Variants in GKAP1 observed in about 807,000 individuals in gnomAD.
GKAP1 encodes the protein G kinase-anchoring protein 1.
GKAP1 carries 31 observed loss-of-function variants against 56.7 expected under a neutral mutation model. The ratio of observed to expected loss-of-function variants is 0.55; its 90% CI spans 0.41 to 0.74. The LOEUF (loss-of-function observed/expected upper bound fraction) is 0.74. Ranked by LOEUF, GKAP1 falls within the 30% of genes least tolerant of loss-of-function variation. The pLI is 0.00. For synonymous variants in GKAP1, 151 were observed against 138.6 expected (o/e 1.09, Z -0.63); for missense variants, 364 against 402.3 (o/e 0.90, Z 0.82).
At chr9:83,753,189 T>G (rs1368274605) in intron 9 of GKAP1, 69 bp downstream of exon 9, 3 of 867,544 alleles carry the variant, frequency 3.5e-6, no homozygotes, top group African/African-American at 3.4e-5. Context: ...CATATTTACA[T>G]ATAAGAAAAA....
intron 3 of GKAP1, among the ~76,000 whole-genome samples, chr9:83,800,368 G>A (rs1158374333): frequency 2.3e-5 from 3 of 132,340 alleles, no homozygotes; most frequent in East Asian, 2.1e-4. Context: ...GCAGAGTCTC[G>A]CTCTGTCGCC....
intron 8 of GKAP1, among the ~76,000 whole-genome samples, chr9:83,761,217 A>C (rs546167908): frequency 1.3e-5 from 2 of 152,086 alleles, no homozygotes; most frequent in Admixed American, 1.3e-4. Flanking sequence ...AGAAGATCCA[A>C]ATAAAACACA....
intron 7 of GKAP1, among the ~76,000 whole-genome samples, chr9:83,775,735 C>T (rs1052003920): frequency 3.3e-5 from 5 of 151,286 alleles, no homozygotes; most frequent in African/African-American, 1.2e-4. Context: ...ATTAACTGGG[C>T]GTGGTGCTGG....
At chr9:83,804,283 A>G (rs1488459787) in intron 3 of GKAP1, among the ~76,000 whole-genome samples, 15 of 122,276 alleles carry the variant, frequency 1.2e-4, no homozygotes, top group Admixed American at 5.8e-4. Flanking sequence ...CAGCCGCCCC[A>G]TCTGGGAGGG....
chr9:83,797,786 T>C (rs1460951267), intron 4 of GKAP1, among the ~76,000 whole-genome samples: 2 of 152,240 alleles, frequency 1.3e-5, no homozygotes, highest in African/African-American at 4.8e-5. Context: ...TTTATTTTGG[T>C]GCAAATTTGA....
rs1943665528 is a variant in GKAP1 at position 83,766,472 on chromosome 9, C to T, written c.738+2346G>A. 3.3e-5 allele frequency among the ~76,000 whole-genome samples: 5 copies of T among 152,312 alleles called. No individual in the cohort carries two copies. The South Asian group carries it at 1.0e-3, about 32-fold the overall frequency. On this transcript the variant is annotated intron_variant, in intron 8 of 12. Transcript: ENST00000376371. The stretch of plus-strand genomic sequence containing the variant: ...CAGGGTAGGCAAGGATTCCCCACTA[C>T]TGAGTCGAAAATAGATTTTCCATAA...
At chr9:83,769,033 T>C (rs1943712536) in intron 7 of GKAP1, 63 bp from the exon 8 acceptor site, 2 of 1,289,012 alleles carry the variant, frequency 1.6e-6, no homozygotes, top group African/African-American at 1.5e-5. Flanking sequence ...TTAATACACC[T>C]AGTCAACCAC....
At chr9:83,770,066 G>T (rs1286976140) in intron 7 of GKAP1, among the ~76,000 whole-genome samples, 6 of 151,796 alleles carry the variant, frequency 4.0e-5, no homozygotes, top group African/African-American at 1.5e-4. Context: ...TTGTTTTTTT[G>T]AGTTGTAACA....
At chr9:83,783,914 C>T (rs1263598146) in intron 6 of GKAP1, among the ~76,000 whole-genome samples, 2 of 152,122 alleles carry the variant, frequency 1.3e-5, no homozygotes, top group African/African-American at 2.4e-5. Context: ...TACTTTAAAA[C>T]CCCAAATGGT....
At chr9:83,799,893 G>A (rs187219027) in intron 3 of GKAP1, among the ~76,000 whole-genome samples, 51 of 152,196 alleles carry the variant, frequency 3.4e-4, no homozygotes, top group African/African-American at 1.1e-3. Flanking sequence ...TGAGCCCAGG[G>A]GGTTGAGGCT....
At chr9:83,773,809 C>A (rs1338554190) in intron 7 of GKAP1, among the ~76,000 whole-genome samples, 4 of 152,046 alleles carry the variant, frequency 2.6e-5, no homozygotes, top group Non-Finnish European at 5.9e-5. Flanking sequence ...CTACATTTAG[C>A]CCTCCTTTTT....
chr9:83,772,787 T>A (rs1943784305), intron 7 of GKAP1, among the ~76,000 whole-genome samples: 1 of 152,136 alleles, frequency 6.6e-6, no homozygotes, highest in Non-Finnish European at 1.5e-5. Context: ...TGAATAGATA[T>A]TTCCAGAAGA....
chr9:83,784,902 G>C (rs1944038738), intron 5 of GKAP1, 64 bp from the exon 6 acceptor site: 1 of 1,187,338 alleles, frequency 8.4e-7, no homozygotes, highest in Non-Finnish European at 1.1e-6. Flanking sequence ...CTCACCAACA[G>C]GTAATATGTT....
intron 2 of GKAP1, among the ~76,000 whole-genome samples, chr9:83,813,510 A>T (rs1371512439): frequency 6.6e-6 from 1 of 152,232 alleles, no homozygotes; most frequent in African/African-American, 2.4e-5. Context: ...AATTTCAGCA[A>T]CTTGGGAGAC....
chr9:83,753,992 T>C (rs951265754), intron 8 of GKAP1, among the ~76,000 whole-genome samples: 6 of 152,278 alleles, frequency 3.9e-5, no homozygotes, highest in African/African-American at 1.2e-4. Context: ...AAAAAGATAG[T>C]AAAGACTTCA....
chr9:83,803,220 T>G (rs114936871), intron 3 of GKAP1, among the ~76,000 whole-genome samples: 1,920 of 148,552 alleles, frequency 0.013, 37 homozygotes, highest in African/African-American at 0.045. Context: ...AATAACCATG[T>G]AGCTCCCTCT....
At chr9:83,741,214 G>A (rs1442404255) in intron 12 of GKAP1, among the ~76,000 whole-genome samples, 1 of 152,068 alleles carries the variant, frequency 6.6e-6, no homozygotes, top group African/African-American at 2.4e-5. Flanking sequence ...TTCTAGGACT[G>A]ATTCAATTTT....
intron 1 of GKAP1, 122 bp downstream of exon 1, chr9:83,817,395 C>A (rs1465168263): frequency 1.3e-5 from 2 of 151,820 alleles, no homozygotes; most frequent in Non-Finnish European, 2.9e-5. Context: ...GGCCCGTCGC[C>A]TCAGGCCGAG....
intron 8 of GKAP1, among the ~76,000 whole-genome samples, chr9:83,768,204 A>G (rs1057131293): frequency 5.3e-5 from 8 of 152,090 alleles, no homozygotes; most frequent in African/African-American, 1.9e-4. Context: ...TTAACTGTAA[A>G]CTTCTTAGTT....
Sources: allele counts gnomAD v4.1 joint callset (sites outside exome capture counted in the v4.1 genomes callset), GRCh38; gene constraint gnomAD v4.1.1; transcripts MANE v1.5; gene names NCBI Gene and HGNC (gene_info 2026-07-23, HGNC 2026-07-21).